The following GATAD2B variants were observed in gnomAD, a reference collection of about 807,000 sequenced individuals.
The protein encoded by GATAD2B is transcriptional repressor p66-beta.
In GATAD2B, 8 loss-of-function variants were observed where a neutral mutation model predicts 64.3. The observed-to-expected ratio is 0.12, with a 90% CI of 0.07 to 0.22. The LOEUF is 0.22. GATAD2B is among the 10% of genes least tolerant of loss of function. The probability of loss-of-function intolerance (pLI) is 1.00; values close to 1 mark genes in which losing one functional copy is unlikely to be tolerated. For synonymous variants in GATAD2B, 281 were observed against 271.3 expected (o/e 1.04, Z -0.35); for missense variants, 453 against 752.0 (o/e 0.60, Z 4.65).
At position 153,816,921 on chromosome 1, in the gene GATAD2B, G is replaced by A. The variant is rs968910284; in HGVS notation, c.901-333C>T. On this transcript the variant is annotated intron_variant, in intron 6 of 10. Coordinates refer to ENST00000368655, the MANE Select transcript of GATAD2B (RefSeq NM_020699.4). This position sits in a 1 kb window ranked among gnomAD's most constrained non-coding sequence, Gnocchi z 4.9. ...CAACATGGTCAAACTCTGTCTCTAC[G>A]AAAAATACACAAAATTAGCTGGAAA... Among the ~76,000 whole-genome samples, 2 of 152,034 alleles carry A rather than the reference G, an allele frequency of 1.3e-5. No individual in the cohort carries two copies. The highest frequency in any genetic ancestry group is 1.9e-4 in the East Asian group (1 of 5,178).
chr1:153,872,723 G>C (rs1000159950), intron 1 of GATAD2B, among the ~76,000 whole-genome samples: 1 of 152,096 alleles, frequency 6.6e-6, no homozygotes, highest in Non-Finnish European at 1.5e-5. Context: ...TCTAAATAAC[G>C]TACTTTGTTG....
At chr1:153,848,973 A>ACCCCCCC (rs113142203) in intron 1 of GATAD2B, among the ~76,000 whole-genome samples, 2 of 141,386 alleles carry the variant, frequency 1.4e-5, no homozygotes, top group Non-Finnish European at 3.1e-5. Flanking sequence ...AAACAAACAA[A>ACCCCCCC]CCCCCCCCCT....
chr1:153,824,482 C>A (rs1157265117), intron 2 of GATAD2B, among the ~76,000 whole-genome samples: 2 of 151,386 alleles, frequency 1.3e-5, no homozygotes. Context: ...CAAAAATTAG[C>A]CAGCATGTAG....
chr1:153,815,303 A>AAAAAAAAAG (rs1557780311), intron 7 of GATAD2B, among the ~76,000 whole-genome samples: 9 of 148,806 alleles, frequency 6.0e-5, no homozygotes, highest in African/African-American at 2.2e-4. Flanking sequence ...CAAAAAAAAA[A>AAAAAAAAAG]AAAAGAAAAG....
chr1:153,828,281 C>T lies in GATAD2B; in HGVS notation c.67G>A (p.Glu23Lys), dbSNP rs144946574. The T allele has an allele frequency of 2.1e-5, 34 of 1,613,746 alleles. No homozygotes were observed. Among genetic ancestry groups the T allele is most frequent in the Non-Finnish European group, 2.7e-5 (32 of 1,180,048 alleles). The stretch of plus-strand genomic sequence containing the variant: ...CGCTTTGCCAGGACATCATCTCGCT[C>T]ATCTGCTGGGTCCAAGCTCCGCTTC... ...LLKRSLDPAD[E>K]RDDVLAKRLK... The change falls in exon 2 of 11, where the codon GAG (glutamate) becomes AAG (lysine). Residue 23 changes from glutamate (E) to lysine (K), a missense_variant. Physicochemically the swap from Glu to Lys is moderately conservative, Grantham distance 56. Coordinates refer to ENST00000368655, the MANE Select transcript of GATAD2B (RefSeq NM_020699.4).
chr1:153,884,647 G>A (rs1446858830), intron 1 of GATAD2B, among the ~76,000 whole-genome samples: 1 of 152,176 alleles, frequency 6.6e-6, no homozygotes. Flanking sequence ...TATTACTCAA[G>A]TTGTGATACC....
intron 1 of GATAD2B, among the ~76,000 whole-genome samples, chr1:153,846,582 G>C (rs1342891393): frequency 3.6e-5 from 4 of 109,692 alleles, no homozygotes; most frequent in Non-Finnish European, 5.2e-5. Flanking sequence ...TTTTTTTTGA[G>C]ATGGAGTCTC....
At chr1:153,828,942 A>C (rs1674983716) in intron 1 of GATAD2B, among the ~76,000 whole-genome samples, 1 of 152,114 alleles carries the variant, frequency 6.6e-6, no homozygotes, top group Non-Finnish European at 1.5e-5. Flanking sequence ...ATGGTGGCTC[A>C]ACTTGTATTG....
At chr1:153,856,525 T>C (rs1676085918) in intron 1 of GATAD2B, among the ~76,000 whole-genome samples, 1 of 152,170 alleles carries the variant, frequency 6.6e-6, no homozygotes, top group Non-Finnish European at 1.5e-5. Flanking sequence ...TGCTTAAATA[T>C]TTTCAATTTA....
At chr1:153,850,913 T>C (rs1675870645) in intron 1 of GATAD2B, among the ~76,000 whole-genome samples, 1 of 149,926 alleles carries the variant, frequency 6.7e-6, no homozygotes. Context: ...AGAGCAAGAC[T>C]CCACCTCAAA....
At chr1:153,878,774 C>CTTTT (rs71093297) in intron 1 of GATAD2B, among the ~76,000 whole-genome samples, 36 of 108,114 alleles carry the variant, frequency 3.3e-4, no homozygotes, top group African/African-American at 5.7e-4. Flanking sequence ...TACTTTATTC[C>CTTTT]TTTTTTTTTT....
At position 153,850,836 on chromosome 1, in the gene GATAD2B, G is replaced by A. The variant is rs1477103732; in HGVS notation, c.-1-22488C>T. Reference sequence around the variant, plus strand: ...CTCAGGAGGCTGCGGCAGGAGAATCGCTTGAACCTAGGAGGCGGAGGTTGC... The same window carrying A: ...CTCAGGAGGCTGCGGCAGGAGAATCACTTGAACCTAGGAGGCGGAGGTTGC... On this transcript the variant is annotated intron_variant, in intron 1 of 10. Coordinates refer to ENST00000368655, the MANE Select transcript of GATAD2B (RefSeq NM_020699.4). Among the ~76,000 whole-genome samples, 12 of 151,868 alleles carry A rather than the reference G, an allele frequency of 7.9e-5. No homozygotes were observed. In the South Asian group the frequency reaches 1.7e-3, roughly 21 times the overall value.
intron 1 of GATAD2B, among the ~76,000 whole-genome samples, chr1:153,838,708 G>A (rs1675363947): frequency 6.6e-6 from 1 of 152,166 alleles, no homozygotes; most frequent in Non-Finnish European, 1.5e-5. Flanking sequence ...ATTGATAGGA[G>A]TTGGTGACTT....
intron 1 of GATAD2B, among the ~76,000 whole-genome samples, chr1:153,866,880 AAT>A (rs1276383314): frequency 2.0e-5 from 3 of 152,184 alleles, no homozygotes; most frequent in Admixed American, 6.5e-5. Context: ...TCCCGGGTTC[AAT>A]AGATTCTCCT....
At chr1:153,904,102 A>C (rs189808548) in intron 1 of GATAD2B, among the ~76,000 whole-genome samples, 148 of 152,212 alleles carry the variant, frequency 9.7e-4, no homozygotes, top group Middle Eastern at 6.8e-3. Flanking sequence ...AACATGAAGA[A>C]ACCTCAGTCT....
intron 1 of GATAD2B, among the ~76,000 whole-genome samples, chr1:153,872,445 TG>T: frequency 6.6e-6 from 1 of 152,002 alleles, no homozygotes; most frequent in Non-Finnish European, 1.5e-5. Context: ...ATACTTTGAG[TG>T]GATCTCTCAC....
intron 1 of GATAD2B, among the ~76,000 whole-genome samples, chr1:153,862,856 C>T (rs1440835538): frequency 1.3e-5 from 2 of 151,778 alleles, no homozygotes; most frequent in Non-Finnish European, 2.9e-5. Flanking sequence ...TCCCAAGTAG[C>T]TGGGATTACA....
At position 153,817,479 on chromosome 1, in the gene GATAD2B, C is replaced by T. The variant is rs904791623; in HGVS notation, c.793G>A (p.Val265Ile). The part of the protein sequence containing the change: ...TLPHMLMSQR[V>I]IAPNPAQLQG... Reference sequence around the variant, plus strand: ...AGCTGGGCTGGGTTTGGTGCAATAACACGTTGAGACATCAACATGTGTGGA... The same window carrying T: ...AGCTGGGCTGGGTTTGGTGCAATAATACGTTGAGACATCAACATGTGTGGA... Residue 265 changes from valine to isoleucine, a missense_variant, in exon 6 of 11, where the codon GTT becomes ATT. By Grantham distance (29) the Val-to-Ile change is conservative. Coordinates refer to ENST00000368655, the MANE Select transcript of GATAD2B (RefSeq NM_020699.4). 1 of 1,613,346 alleles carries T rather than the reference C, an allele frequency of 6.2e-7. No individual in the cohort carries two copies. Among genetic ancestry groups the T allele is most frequent in the Non-Finnish European group, 8.5e-7 (1 of 1,179,792 alleles).
chr1:153,921,688 G>A (rs1450161150), intron 1 of GATAD2B, among the ~76,000 whole-genome samples: 1 of 152,124 alleles, frequency 6.6e-6, no homozygotes, highest in Non-Finnish European at 1.5e-5. Context: ...TTTTCCAGGG[G>A]ACAACAGAGA....
Sources: allele counts gnomAD v4.1 joint callset (sites outside exome capture counted in the v4.1 genomes callset), GRCh38; gene constraint gnomAD v4.1.1; non-coding constraint Gnocchi (gnomAD v3.1); transcripts MANE v1.5; gene names NCBI Gene and HGNC (gene_info 2026-07-23, HGNC 2026-07-21).